Variants in XKR6 observed in about 807,000 individuals in gnomAD.
The protein encoded by XKR6 is XK related 6.
A neutral mutation model predicts 56.7 loss-of-function variants in XKR6; 22 were observed. The observed-to-expected ratio is 0.39, with a 90% CI of 0.28 to 0.55. The LOEUF (loss-of-function observed/expected upper bound fraction) is 0.55, where lower values mean the gene tolerates loss of function less well. XKR6 is among the 20% of genes least tolerant of loss of function. The pLI, the probability that XKR6 is intolerant of heterozygous loss-of-function variation, is 0.66. For missense variants in XKR6, 852 were observed against 889.0 expected, an observed-to-expected ratio of 0.96 and a Z score of 0.53; for synonymous variants, 524 against 387.8, an observed-to-expected ratio of 1.35 and a Z score of -4.13.
Position 11,201,394 on chromosome 8 carries a change from G to A in XKR6, c.-55C>T, listed in dbSNP as rs976505237. 5.2e-6 allele frequency: 4 copies of A among 763,198 alleles called. No homozygotes were observed. In the Admixed American group the frequency reaches 1.1e-4, roughly 21 times the overall value. 47.3% of individuals were successfully genotyped at this position (763,198 alleles called of 1,614,324 possible). Reference sequence around the variant, plus strand: ...GGGGGGAGGGACGGCGGGGGGGGGGGGAAGAAGGCAGGGAACGGGGAGGGG... The same window carrying A: ...GGGGGGAGGGACGGCGGGGGGGGGGAGAAGAAGGCAGGGAACGGGGAGGGG... On this transcript the variant is annotated 5_prime_UTR_variant, in exon 1 of 3. Transcript: ENST00000416569.
intron 1 of XKR6, among the ~76,000 whole-genome samples, chr8:10,930,415 T>C (rs1488031573): frequency 6.6e-6 from 1 of 151,888 alleles, no homozygotes; most frequent in Non-Finnish European, 1.5e-5. Context: ...TTCCAGAAAA[T>C]AAAAAAGGAA....
At chr8:11,063,123 A>G (rs1017029608) in intron 1 of XKR6, 17 of 252,830 alleles carry the variant, frequency 6.7e-5, no homozygotes, top group Non-Finnish European at 8.7e-5. Flanking sequence ...ACTGCCATAG[A>G]AGACCAAAGC....
chr8:11,169,467 A>G (rs979301954), intron 1 of XKR6, among the ~76,000 whole-genome samples: 3 of 152,208 alleles, frequency 2.0e-5, no homozygotes, highest in Non-Finnish European at 4.4e-5. Flanking sequence ...AAAAGGAACA[A>G]AACTCTGATA....
chr8:10,974,439 G>C (rs1802494446), intron 1 of XKR6, among the ~76,000 whole-genome samples: 1 of 152,208 alleles, frequency 6.6e-6, no homozygotes, highest in Non-Finnish European at 1.5e-5. Context: ...GAGGGAGGCA[G>C]ATGCTCCCCA....
In XKR6 at chr8:10,896,185, G is replaced by A. The variant is rs1206465591; in HGVS notation, c.*1767C>T. 1.3e-5 allele frequency: 2 copies of A among 148,766 alleles called. No homozygotes were observed. Among genetic ancestry groups the A allele is most frequent in the African/African-American group, 2.5e-5 (1 of 40,328 alleles). The allele number at this position is 148,766 out of a possible 1,614,324, so 9.2% of individuals were successfully genotyped here. ...AGTAGAGATACGATGCGATTGAAAC[G>A]ATGCCCTAGAACAGAAATATTCTTT... On this transcript the variant is annotated 3_prime_UTR_variant, in exon 3 of 3. Transcript: ENST00000416569.
intron 1 of XKR6, among the ~76,000 whole-genome samples, chr8:11,047,175 G>A (rs370882251): frequency 2.0e-5 from 3 of 152,128 alleles, no homozygotes; most frequent in East Asian, 1.9e-4. Flanking sequence ...ATAACTATGC[G>A]AGGGGAAGCT....
intron 1 of XKR6, among the ~76,000 whole-genome samples, chr8:11,165,970 T>C (rs1367190361): frequency 1.4e-5 from 2 of 147,928 alleles, no homozygotes; most frequent in African/African-American, 5.2e-5. Flanking sequence ...TTTTTTTTTT[T>C]TTTGAGATGG....
chr8:11,158,849 A>G (rs1335975616), intron 1 of XKR6, among the ~76,000 whole-genome samples: 2 of 152,202 alleles, frequency 1.3e-5, no homozygotes, highest in African/African-American at 4.8e-5. Flanking sequence ...CCTAGGAGAA[A>G]GGGAATAATT....
chr8:11,073,578 C>A (rs960999009), intron 1 of XKR6, among the ~76,000 whole-genome samples: 3 of 152,306 alleles, frequency 2.0e-5, no homozygotes, highest in African/African-American at 7.2e-5. Context: ...CTGATCAATA[C>A]TGAAGATGAA....
intron 1 of XKR6, among the ~76,000 whole-genome samples, chr8:11,152,228 G>A (rs1323299349): frequency 6.6e-6 from 1 of 152,170 alleles, no homozygotes; most frequent in Non-Finnish European, 1.5e-5. Context: ...AGGCTGTGGG[G>A]AAGTGTATTA....
intron 2 of XKR6, among the ~76,000 whole-genome samples, chr8:10,920,146 T>C (rs1050924510): frequency 2.6e-5 from 4 of 152,158 alleles, no homozygotes; most frequent in African/African-American, 7.2e-5. Context: ...AAGCATCTAC[T>C]AGCCCTAATG....
intron 1 of XKR6, among the ~76,000 whole-genome samples, chr8:11,047,413 G>C (rs902334335): frequency 3.3e-5 from 5 of 152,160 alleles, no homozygotes; most frequent in African/African-American, 1.2e-4. Context: ...TGGGCTTCAC[G>C]AGTAGGATGG....
At chr8:11,095,802 T>C (rs1196663613) in intron 1 of XKR6, among the ~76,000 whole-genome samples, 2 of 152,344 alleles carry the variant, frequency 1.3e-5, no homozygotes, top group South Asian at 2.1e-4. Context: ...AACGGGTGAT[T>C]CTGATGCATA....
chr8:11,161,667 C>G lies in XKR6; in HGVS notation c.764+38909G>C, dbSNP rs1318901198. 1.5e-4 allele frequency among the ~76,000 whole-genome samples: 23 copies of G among 152,324 alleles called. 1 individual carries two copies. Among genetic ancestry groups the G allele is most frequent in the Non-Finnish European group, 5.9e-5 (4 of 68,022 alleles). On this transcript the variant is annotated intron_variant, in intron 1 of 2. Transcript: ENST00000416569. Reference sequence around the variant, plus strand: ...TTTCAGTGGCTCCTATAGTTCTTTACTATGTTGGGAGCATTTTAAGTCCTT... The same window carrying G: ...TTTCAGTGGCTCCTATAGTTCTTTAGTATGTTGGGAGCATTTTAAGTCCTT...
At chr8:10,968,183 G>A (rs1019438018) in intron 1 of XKR6, among the ~76,000 whole-genome samples, 6 of 152,168 alleles carry the variant, frequency 3.9e-5, no homozygotes, top group Non-Finnish European at 8.8e-5. Context: ...GGTCTGTGCT[G>A]GTGTTTGAAC....
intron 2 of XKR6, among the ~76,000 whole-genome samples, chr8:10,908,516 G>T (rs2129109284): frequency 6.6e-6 from 1 of 152,048 alleles, no homozygotes; most frequent in South Asian, 2.1e-4. Flanking sequence ...TCTCCTGCTG[G>T]CTCCTCAGAC....
At chr8:10,915,832 A>G (rs1320362055) in intron 2 of XKR6, among the ~76,000 whole-genome samples, 3 of 152,338 alleles carry the variant, frequency 2.0e-5, no homozygotes, top group African/African-American at 7.2e-5. Context: ...CCCATGTTCT[A>G]GCGGGAGGAG....
At chr8:10,917,656 A>G (rs1032988509) in intron 2 of XKR6, among the ~76,000 whole-genome samples, 1 of 152,096 alleles carries the variant, frequency 6.6e-6, no homozygotes, top group Non-Finnish European at 1.5e-5. Context: ...CTCAGAGGAT[A>G]TCTGAGGGCA....
intron 1 of XKR6, among the ~76,000 whole-genome samples, chr8:10,947,850 G>A (rs1801597673): frequency 1.3e-5 from 2 of 152,204 alleles, no homozygotes; most frequent in Admixed American, 6.5e-5. Flanking sequence ...TTGGGGATGT[G>A]ATCACACAGG....
Sources: allele counts gnomAD v4.1 joint callset (sites outside exome capture counted in the v4.1 genomes callset), GRCh38; gene constraint gnomAD v4.1.1; transcripts MANE v1.5; gene names NCBI Gene and HGNC (gene_info 2026-07-23, HGNC 2026-07-21).